The following SGCZ variants were observed in gnomAD, a reference collection of about 807,000 sequenced individuals.
SGCZ encodes the protein sarcoglycan zeta.
SGCZ carries 40 observed loss-of-function variants against 41.3 expected under a neutral mutation model. The observed-to-expected ratio is 0.97, with a 90% CI of 0.75 to 1.26. The LOEUF is 1.26. Ranked by LOEUF, SGCZ falls within the 50% of genes most tolerant of loss-of-function variation. SGCZ has a pLI of 0.00. For missense variants in SGCZ, 552 were observed against 369.8 expected, an observed-to-expected ratio of 1.49 and a Z score of -4.04; for synonymous variants, 206 against 137.5, an observed-to-expected ratio of 1.50 and a Z score of -3.49.
At chr8:14,225,644 A>T (rs753572071) in intron 4 of SGCZ, among the ~76,000 whole-genome samples, 26 of 152,136 alleles carry the variant, frequency 1.7e-4, no homozygotes, top group Non-Finnish European at 3.2e-4. Flanking sequence ...GATATGCTAA[A>T]GGAGCATGTA....
At chr8:14,926,588 TG>T (rs2130798898) in intron 1 of SGCZ, among the ~76,000 whole-genome samples, 1 of 151,934 alleles carries the variant, frequency 6.6e-6, no homozygotes, top group East Asian at 1.9e-4. Context: ...ATATATTTCT[TG>T]GGCAAACTCA....
intron 1 of SGCZ, among the ~76,000 whole-genome samples, chr8:14,992,201 T>A: frequency 6.6e-6 from 1 of 151,164 alleles, no homozygotes; most frequent in East Asian, 2.0e-4. Flanking sequence ...ATCCTTGATA[T>A]TTACCTCTCA....
At chr8:15,016,251 A>T (rs148402768) in intron 1 of SGCZ, among the ~76,000 whole-genome samples, 33 of 152,226 alleles carry the variant, frequency 2.2e-4, no homozygotes, top group South Asian at 8.3e-4. Context: ...CATTAATTCC[A>T]ATCTCTCTCA....
intron 4 of SGCZ, among the ~76,000 whole-genome samples, chr8:14,178,937 C>A (rs1032297677): frequency 6.6e-6 from 1 of 152,126 alleles, no homozygotes; most frequent in Non-Finnish European, 1.5e-5. Context: ...CACTTCTGAG[C>A]CCATTAATGG....
At chr8:14,663,815 T>C (rs910022950) in intron 1 of SGCZ, among the ~76,000 whole-genome samples, 1 of 152,180 alleles carries the variant, frequency 6.6e-6, no homozygotes, top group Non-Finnish European at 1.5e-5. Context: ...GACTCAATTT[T>C]ATGTTCTCCT....
chr8:15,099,777 A>G (rs1806530778), intron 1 of SGCZ, among the ~76,000 whole-genome samples: 1 of 152,210 alleles, frequency 6.6e-6, no homozygotes, highest in Non-Finnish European at 1.5e-5. Flanking sequence ...TTTATTTCAT[A>G]TATGTAAGAC....
At position 15,028,401 on chromosome 8, in the gene SGCZ, G is replaced by GC. The variant is rs1803532499; in HGVS notation, c.39+209183_39+209184insG. Among the ~76,000 whole-genome samples the GC allele has an allele frequency of 2.6e-5, 4 of 151,682 alleles. 1 individual carries two copies. The highest frequency in any genetic ancestry group is 2.6e-4 in the Admixed American group (4 of 15,222). On this transcript the variant is annotated intron_variant, in intron 1 of 7. Transcript: ENST00000382080. ...ATAAGGAACACTATCGTCTTTCTAA[G>GC]TTGAAGTCAGTTTCATAAGGAACAC...
chr8:14,181,297 A>G (rs11997673), intron 4 of SGCZ, among the ~76,000 whole-genome samples: 39,774 of 152,138 alleles, frequency 0.26, 7,624 homozygotes, highest in African/African-American at 0.54. Flanking sequence ...AACAAGTTCA[A>G]TTGTTGGGTA....
intron 1 of SGCZ, among the ~76,000 whole-genome samples, chr8:14,687,287 G>T (rs13258016): frequency 0.23 from 34,906 of 150,076 alleles, 4,169 homozygotes; most frequent in East Asian, 0.29. Context: ...TTGGTGTGCT[G>T]CACCCATTAA....
At chr8:14,163,311 C>T (rs1236039644) in intron 5 of SGCZ, among the ~76,000 whole-genome samples, 2 of 152,072 alleles carry the variant, frequency 1.3e-5, no homozygotes, top group African/African-American at 2.4e-5. Flanking sequence ...TAATACTCTC[C>T]CTCCTCCCAA....
intron 2 of SGCZ, among the ~76,000 whole-genome samples, chr8:14,514,894 C>T (rs67519813): frequency 0.087 from 12,983 of 149,578 alleles, 892 homozygotes; most frequent in African/African-American, 0.19. Flanking sequence ...ACTTTATTTC[C>T]ATTTGTTCTT....
intron 1 of SGCZ, among the ~76,000 whole-genome samples, chr8:14,692,550 G>T (rs1057040593): frequency 6.6e-6 from 1 of 152,060 alleles, no homozygotes; most frequent in Non-Finnish European, 1.5e-5. Flanking sequence ...TCAGTGTATT[G>T]TCCAGGCATA....
At chr8:14,121,087 A>G (rs1802682408) in intron 5 of SGCZ, among the ~76,000 whole-genome samples, 1 of 152,152 alleles carries the variant, frequency 6.6e-6, no homozygotes, top group Admixed American at 6.5e-5. Context: ...GAAATAGCCT[A>G]ACGGCTAAGA....
intron 2 of SGCZ, among the ~76,000 whole-genome samples, chr8:14,514,330 C>G (rs1283717735): frequency 6.6e-6 from 1 of 151,956 alleles, no homozygotes; most frequent in African/African-American, 2.4e-5. Flanking sequence ...ATTTTTGAAG[C>G]CAGTTTCTGC....
At chr8:14,165,676 G>A (rs1804186904) in intron 4 of SGCZ, among the ~76,000 whole-genome samples, 1 of 152,088 alleles carries the variant, frequency 6.6e-6, no homozygotes, top group Non-Finnish European at 1.5e-5. Flanking sequence ...ATAGAACCCA[G>A]CTGAGTCAGG....
In SGCZ at chr8:14,853,629, A is replaced by G. The variant is rs576932146; in HGVS notation, c.40-298703T>C. ...AGTGGTTTGCTTTGTCCTTTAAAGA[A>G]CTGAATCTAAATAGATTGTCATCAA... On this transcript the variant is annotated intron_variant, in intron 1 of 7. Transcript: ENST00000382080. 1.9e-4 allele frequency: 68 copies of G among 358,718 alleles called. 1 individual carries two copies. Among genetic ancestry groups the G allele is most frequent in the South Asian group, 1.4e-3 (68 of 49,814 alleles). 22.2% of individuals were successfully genotyped at this position (358,718 alleles called of 1,614,324 possible).
chr8:14,251,227 C>T (rs1799273671), intron 3 of SGCZ, among the ~76,000 whole-genome samples: 2 of 151,618 alleles, frequency 1.3e-5, no homozygotes, highest in Admixed American at 1.3e-4. Context: ...GACTCTATCT[C>T]AAAAAAAATG....
At chr8:14,727,937 C>T (rs1438471963) in intron 1 of SGCZ, among the ~76,000 whole-genome samples, 1 of 152,122 alleles carries the variant, frequency 6.6e-6, no homozygotes, top group East Asian at 1.9e-4. Flanking sequence ...AAACTATAGA[C>T]ACATGCAGCA....
intron 1 of SGCZ, among the ~76,000 whole-genome samples, chr8:14,732,136 A>G (rs1203496735): frequency 6.6e-6 from 1 of 152,184 alleles, no homozygotes; most frequent in African/African-American, 2.4e-5. Context: ...TTAAGTGATA[A>G]CAGGATCTAG....
Sources: gnomAD v4.1 joint callset for allele counts (sites outside exome capture counted in the v4.1 genomes callset) on GRCh38, gnomAD v4.1.1 for gene constraint, MANE v1.5 for transcripts, NCBI Gene and HGNC (gene_info 2026-07-23, HGNC 2026-07-21) for gene names.